The following PRKAG2 variants were observed in gnomAD, a reference collection of about 807,000 sequenced individuals.
PRKAG2 encodes the protein 5'-AMP-activated protein kinase subunit gamma-2.
PRKAG2 carries 26 observed loss-of-function variants against 69.6 expected under a neutral mutation model. The ratio of observed to expected loss-of-function variants is 0.37; its 90% CI spans 0.27 to 0.52. PRKAG2 has a LOEUF of 0.52. Ranked by LOEUF, PRKAG2 falls within the 20% of genes least tolerant of loss-of-function variation. PRKAG2 has a pLI of 0.90. For missense variants in PRKAG2, 557 were observed against 740.0 expected (o/e 0.75, Z 2.87); for synonymous variants, 293 against 285.0 (o/e 1.03, Z -0.28).
In PRKAG2 at chr7:151,632,126, C is replaced by A. The variant is rs1652055963; in HGVS notation, c.697G>T (p.Ala233Ser). Residue 233 changes from alanine (A) to serine (S), a missense_variant, in exon 5 of 16, where the codon GCG becomes TCG. By Grantham distance (99) the Ala-to-Ser change is moderately conservative. This residue lies in a region of PRKAG2 where 352 missense variants were observed against 356.7 expected (regional missense o/e 0.99). Coordinates refer to ENST00000287878, the MANE Select transcript of PRKAG2 (RefSeq NM_016203.4). This position sits in a 1 kb window ranked among gnomAD's most constrained non-coding sequence, Gnocchi z 4.2. ...YAPSKAAALAAALGPAEAGML... is the reference protein window; with the variant it reads ...YAPSKAAALASALGPAEAGML... ...CCGGCTTCCGCGGGTCCCAGGGCCG[C>A]CGCCAGCGCCGCCTGAGGGGGAGGA... 7.1e-7 allele frequency: 1 copy of A among 1,404,380 alleles called. No homozygotes were observed. The highest frequency in any genetic ancestry group is 9.4e-7 in the Non-Finnish European group (1 of 1,065,390). 87.0% of individuals were successfully genotyped at this position (1,404,380 alleles called of 1,614,324 possible). A position where few individuals can be genotyped will look rare whatever the true frequency, so the allele number is the denominator to read the frequency against.
rs1223088573 is a variant in PRKAG2, at chr7:151,775,215, G to A, written c.466+5937C>T. ...TGGACCTCTTATCCTGGAACTTCCCGCCCTACCTCCTGGTTCTTGGTCATT... is the reference window on the plus strand; with the variant it reads ...TGGACCTCTTATCCTGGAACTTCCCACCCTACCTCCTGGTTCTTGGTCATT... On this transcript the variant is annotated intron_variant, in intron 3 of 15. Transcript: ENST00000287878. Among the ~76,000 whole-genome samples the A allele has an allele frequency of 1.2e-4, 18 of 152,152 alleles. 1 individual carries two copies. Among genetic ancestry groups the A allele is most frequent in the Admixed American group, 7.2e-4 (11 of 15,278 alleles).
intron 3 of PRKAG2, among the ~76,000 whole-genome samples, chr7:151,689,382 C>G (rs1835295240): frequency 6.6e-6 from 1 of 152,192 alleles, no homozygotes; most frequent in South Asian, 2.1e-4. Context: ...CTTTCAGTCA[C>G]CATCCCCTCC....
At chr7:151,774,397 G>A (rs2076234130) in intron 3 of PRKAG2, among the ~76,000 whole-genome samples, 1 of 152,188 alleles carries the variant, frequency 6.6e-6, no homozygotes, top group Non-Finnish European at 1.5e-5. Context: ...TCCCCCTCCT[G>A]TCTTAGAGTG....
chr7:151,791,354 A>G (rs2077266810), intron 1 of PRKAG2, among the ~76,000 whole-genome samples: 1 of 152,268 alleles, frequency 6.6e-6, no homozygotes, highest in Non-Finnish European at 1.5e-5. Flanking sequence ...GATGTGCCCC[A>G]TTCCCGTGAT....
At position 151,699,662 on chromosome 7, in the gene PRKAG2, A is replaced by G. The variant is rs1017028439; in HGVS notation, c.467-24025T>C. ...ATATGCAGTGCCTGGGCTTGGGGTA[A>G]CAGAACCCAGCCTACGGGCCAGAAA... On this transcript the variant is annotated intron_variant, in intron 3 of 15. Transcript: ENST00000287878. This position sits in a 1 kb window ranked among gnomAD's most constrained non-coding sequence, Gnocchi z 4.5. Among the ~76,000 whole-genome samples the G allele has an allele frequency of 2.6e-5, 4 of 152,304 alleles. No homozygotes were observed. The South Asian group carries it at 8.3e-4, about 32-fold the overall frequency.
chr7:151,564,879 CA>C (rs1278679962), intron 13 of PRKAG2, among the ~76,000 whole-genome samples: 1 of 151,910 alleles, frequency 6.6e-6, no homozygotes, highest in Non-Finnish European at 1.5e-5. Flanking sequence ...AATGTGGGGT[CA>C]GTATTGTGGC....
chr7:151,651,726 C>T (rs1413342008), intron 4 of PRKAG2, among the ~76,000 whole-genome samples: 1 of 152,212 alleles, frequency 6.6e-6, no homozygotes, highest in Non-Finnish European at 1.5e-5. Context: ...TGCGGCTAAC[C>T]TTCAAGAAAC....
intron 5 of PRKAG2, among the ~76,000 whole-genome samples, chr7:151,630,091 G>A (rs1824023795): frequency 6.6e-6 from 1 of 152,180 alleles, no homozygotes; most frequent in Admixed American, 6.5e-5. Context: ...AAGTTTGACA[G>A]GGTTATTCGT....
chr7:151,707,750 G>A (rs1262632403), intron 3 of PRKAG2, among the ~76,000 whole-genome samples: 4 of 152,190 alleles, frequency 2.6e-5, no homozygotes, highest in African/African-American at 9.6e-5. Flanking sequence ...GGCTGGTCAA[G>A]AACCAAGTTA....
intron 3 of PRKAG2, among the ~76,000 whole-genome samples, chr7:151,679,756 G>T (rs1833549755): frequency 6.6e-6 from 1 of 152,102 alleles, no homozygotes; most frequent in Non-Finnish European, 1.5e-5. Flanking sequence ...GTCCATCCCT[G>T]AGCAGGGCAT....
chr7:151,716,045 C>T (rs1796134727), intron 3 of PRKAG2, among the ~76,000 whole-genome samples: 1 of 152,070 alleles, frequency 6.6e-6, no homozygotes. Context: ...AGCTCGATTG[C>T]CCTTGAGTTT....
intron 4 of PRKAG2, among the ~76,000 whole-genome samples, chr7:151,660,907 G>A (rs1830213768): frequency 6.6e-6 from 1 of 152,200 alleles, no homozygotes; most frequent in South Asian, 2.1e-4. Context: ...GAGTTGTGGT[G>A]TAATACACAT....
At chr7:151,811,126 T>TA (rs1309682596) in intron 1 of PRKAG2, among the ~76,000 whole-genome samples, 1 of 152,190 alleles carries the variant, frequency 6.6e-6, no homozygotes, top group Non-Finnish European at 1.5e-5. Flanking sequence ...GCCTGATGAA[T>TA]AGTCAAAGTG....
Position 151,632,710 on chromosome 7 carries a change from C to T in PRKAG2, c.685-572G>A. On this transcript the variant is annotated intron_variant, in intron 4 of 15. Transcript: ENST00000287878. This position sits in a 1 kb window ranked among gnomAD's most constrained non-coding sequence, Gnocchi z 4.2. ...GGGGATCCTTTCTCGCTTTCCTCTT[C>T]CCTTTCCAAATTTTAGATGTAACTG... 3.0e-6 allele frequency: 2 copies of T among 662,234 alleles called. 1 individual carries two copies. Among genetic ancestry groups the T allele is most frequent in the Non-Finnish European group, 3.7e-6 (2 of 534,432 alleles). The allele number at this position is 662,234 out of a possible 1,614,324, so 41.0% of individuals were successfully genotyped here.
At chr7:151,619,574 T>A (rs1439093823) in intron 5 of PRKAG2, among the ~76,000 whole-genome samples, 1 of 152,162 alleles carries the variant, frequency 6.6e-6, no homozygotes, top group African/African-American at 2.4e-5. Context: ...CAAACTTTGT[T>A]TCATGCACAA....
chr7:151,629,923 T>C (rs1023022784), intron 5 of PRKAG2, among the ~76,000 whole-genome samples: 4 of 152,184 alleles, frequency 2.6e-5, no homozygotes, highest in Non-Finnish European at 5.9e-5. Context: ...GAGATTCTGC[T>C]TGATATTCAA....
At chr7:151,572,177 G>A (rs1428723091) in intron 9 of PRKAG2, among the ~76,000 whole-genome samples, 1 of 152,220 alleles carries the variant, frequency 6.6e-6, no homozygotes, top group Non-Finnish European at 1.5e-5. Context: ...TTACTTCCAT[G>A]CTATTTGCTC....
chr7:151,739,305 G>C (rs1252156885), intron 3 of PRKAG2, among the ~76,000 whole-genome samples: 1 of 152,170 alleles, frequency 6.6e-6, no homozygotes, highest in South Asian at 2.1e-4. Context: ...TCATACCATT[G>C]CTTAGCCGAT....
At position 151,632,740 on chromosome 7, in the gene PRKAG2, TC is replaced by T. The variant is rs1824989294; in HGVS notation, c.685-603del. 3.2e-6 allele frequency: 1 copy of T among 311,200 alleles called. No individual in the cohort carries two copies. Among genetic ancestry groups the T allele is most frequent in the Non-Finnish European group, 4.7e-6 (1 of 213,552 alleles). The allele number at this position is 311,200 out of a possible 1,614,324, so 19.3% of individuals were successfully genotyped here. Reference sequence around the variant, plus strand: ...TCCAAATTTTAGATGTAACTGCCCATCCTCGGCCCCCTTAACAAAAATCGTT... The same window carrying T: ...TCCAAATTTTAGATGTAACTGCCCATCTCGGCCCCCTTAACAAAAATCGTT... On this transcript the variant is annotated intron_variant, in intron 4 of 15. Coordinates refer to ENST00000287878, the MANE Select transcript of PRKAG2 (RefSeq NM_016203.4). The surrounding 1 kb of genome is among the most constrained non-coding windows in gnomAD (Gnocchi z 4.2).
Sources: allele counts gnomAD v4.1 joint callset (sites outside exome capture counted in the v4.1 genomes callset), GRCh38; gene constraint gnomAD v4.1.1; regional missense constraint gnomAD v4.1.1; non-coding constraint Gnocchi (gnomAD v3.1); transcripts MANE v1.5; gene names NCBI Gene and HGNC (gene_info 2026-07-23, HGNC 2026-07-21).